The following ZFAT variants were observed in gnomAD, a reference collection of about 807,000 sequenced individuals.
The protein encoded by ZFAT is zinc finger and AT-hook domain containing.
A neutral mutation model predicts 117.7 loss-of-function variants in ZFAT; 64 were observed. The ratio of observed to expected loss-of-function variants is 0.54; its 90% CI spans 0.44 to 0.67. The LOEUF (loss-of-function observed/expected upper bound fraction) is 0.67. Ranked by LOEUF, ZFAT falls within the 30% of genes least tolerant of loss-of-function variation. The pLI, the probability that ZFAT is intolerant of heterozygous loss-of-function variation, is 0.00. For synonymous variants in ZFAT, 679 were observed against 615.0 expected (o/e 1.10, Z -1.54); for missense variants, 1,433 against 1,584.5 (o/e 0.90, Z 1.62).
intron 1 of ZFAT, among the ~76,000 whole-genome samples, chr8:134,667,069 G>A (rs535655838): frequency 5.3e-5 from 8 of 152,304 alleles, no homozygotes; most frequent in African/African-American, 1.9e-4. Flanking sequence ...TCACTCATAA[G>A]TGGGAGTTGA....
chr8:134,529,381 G>A (rs1314624496), intron 12 of ZFAT, among the ~76,000 whole-genome samples: 5 of 152,206 alleles, frequency 3.3e-5, no homozygotes, highest in African/African-American at 1.2e-4. Flanking sequence ...GGGAGGAAAG[G>A]GGCAGGCCCA....
chr8:134,526,007 C>T (rs1013071485), intron 12 of ZFAT, among the ~76,000 whole-genome samples: 1 of 152,124 alleles, frequency 6.6e-6, no homozygotes, highest in Non-Finnish European at 1.5e-5. Context: ...CTTCAATCAC[C>T]TTTTAAAAAC....
chr8:134,686,079 G>T (rs1369059466), intron 1 of ZFAT, among the ~76,000 whole-genome samples: 1 of 152,228 alleles, frequency 6.6e-6, no homozygotes, highest in Non-Finnish European at 1.5e-5. Context: ...CAGAGGGGGT[G>T]CAGCTGCCCT....
At chr8:134,557,724 C>A (rs7846013) in intron 11 of ZFAT, among the ~76,000 whole-genome samples, 1 of 152,008 alleles carries the variant, frequency 6.6e-6, no homozygotes, top group South Asian at 2.1e-4. Flanking sequence ...ACATAGAAAA[C>A]AGACACCAAG....
chr8:134,617,725 A>G (rs548156944), intron 3 of ZFAT, among the ~76,000 whole-genome samples: 1 of 152,386 alleles, frequency 6.6e-6, no homozygotes, highest in African/African-American at 2.4e-5. Flanking sequence ...CTGCTTAGAA[A>G]TAAGCTGCGC....
At chr8:134,713,106 G>A (rs962910080), upstream of ZFAT, 11 of 407,568 alleles carry the variant, frequency 2.7e-5, no homozygotes, top group African/African-American at 2.3e-4. Flanking sequence ...CCCTCCCCCG[G>A]CGCCGAGCGC....
chr8:134,652,222 G>A (rs1264077655), intron 2 of ZFAT, among the ~76,000 whole-genome samples: 5 of 152,276 alleles, frequency 3.3e-5, no homozygotes, highest in Admixed American at 1.3e-4. Context: ...AGCCCAGATC[G>A]TGCCACTGCA....
chr8:134,815,928 T>C, the ZFAT span, among the ~76,000 whole-genome samples: 78 of 152,352 alleles, frequency 5.1e-4, no homozygotes, highest in African/African-American at 1.8e-3. Flanking sequence ...CCTTTCCTTG[T>C]TTATCTTCCT....
chr8:134,659,289 C>A (rs1423109230), intron 1 of ZFAT, among the ~76,000 whole-genome samples: 2 of 152,190 alleles, frequency 1.3e-5, no homozygotes, highest in Non-Finnish European at 2.9e-5. Context: ...CCTGCGTCTT[C>A]AGCTGTCTCC....
intron 1 of ZFAT, among the ~76,000 whole-genome samples, chr8:134,705,020 A>G (rs1258889753): frequency 1.3e-5 from 2 of 152,258 alleles, no homozygotes; most frequent in Non-Finnish European, 2.9e-5. Flanking sequence ...AAACTCCAAT[A>G]AAATCACAAA....
chr8:134,643,715 T>A (rs551813923), intron 2 of ZFAT, among the ~76,000 whole-genome samples: 3 of 152,324 alleles, frequency 2.0e-5, no homozygotes, highest in African/African-American at 7.2e-5. Context: ...ACTGGCTGCA[T>A]CAGCCCTGAG....
chr8:134,536,972 T>C (rs1332572935), intron 11 of ZFAT, among the ~76,000 whole-genome samples: 2 of 152,212 alleles, frequency 1.3e-5, no homozygotes, highest in African/African-American at 4.8e-5. Flanking sequence ...GTTCTTATCA[T>C]GGTCCAAAAA....
At chr8:134,719,134 G>C in the ZFAT span, among the ~76,000 whole-genome samples, 1 of 152,204 alleles carries the variant, frequency 6.6e-6, no homozygotes, top group East Asian at 1.9e-4. Flanking sequence ...TGGCTCACAG[G>C]GAGACTGACT....
At chr8:134,577,374 A>G (rs541256961) in intron 10 of ZFAT, among the ~76,000 whole-genome samples, 1 of 152,358 alleles carries the variant, frequency 6.6e-6, no homozygotes, top group East Asian at 1.9e-4. Flanking sequence ...AAGTAGTTAG[A>G]AGAAAGGGTA....
chr8:134,696,604 C>T lies in ZFAT; in HGVS notation c.19+16241G>A, dbSNP rs964982303. 7 of 986,154 alleles carry T rather than the reference C, an allele frequency of 7.1e-6. No individual in the cohort carries two copies. The African/African-American group carries it at 1.2e-4, about 17-fold the overall frequency. 61.1% of individuals were successfully genotyped at this position (986,154 alleles called of 1,614,324 possible). A position where few individuals can be genotyped will look rare whatever the true frequency, so the allele number is the denominator to read the frequency against. Reference sequence around the variant, plus strand: ...AGTTATCCCTGGCTGGCACCACCCACCCGCGCTTCTCTCCAATACAGCCAC... The same window carrying T: ...AGTTATCCCTGGCTGGCACCACCCATCCGCGCTTCTCTCCAATACAGCCAC... On this transcript the variant is annotated intron_variant, in intron 1 of 15. Transcript: ENST00000377838.
chr8:134,680,044 A>G (rs1832995575), intron 1 of ZFAT, among the ~76,000 whole-genome samples: 1 of 152,004 alleles, frequency 6.6e-6, no homozygotes, highest in Admixed American at 6.6e-5. Flanking sequence ...ATACCTATGT[A>G]ACAAACCTGC....
the ZFAT span, among the ~76,000 whole-genome samples, chr8:134,759,958 A>G: frequency 2.6e-5 from 3 of 115,124 alleles, no homozygotes; most frequent in African/African-American, 3.4e-5. Flanking sequence ...GCAACAGAGC[A>G]GGACTCCGTC....
chr8:134,747,646 A>G, the ZFAT span, among the ~76,000 whole-genome samples: 15 of 152,368 alleles, frequency 9.8e-5, no homozygotes, highest in Admixed American at 9.8e-4. Context: ...TAGAACTTGT[A>G]ACTGTGAAGA....
chr8:134,609,159 CA>C (rs1828130414), intron 4 of ZFAT, among the ~76,000 whole-genome samples: 1 of 151,832 alleles, frequency 6.6e-6, no homozygotes, highest in East Asian at 1.9e-4. Flanking sequence ...CACATATACA[CA>C]CACACACATA....
Sources: gnomAD v4.1 joint callset for allele counts (sites outside exome capture counted in the v4.1 genomes callset) on GRCh38, gnomAD v4.1.1 for gene constraint, MANE v1.5 for transcripts, NCBI Gene and HGNC (gene_info 2026-07-23, HGNC 2026-07-21) for gene names.